The following YWHAH variants were observed in gnomAD, a reference collection of about 807,000 sequenced individuals.
YWHAH encodes the protein tyrosine 3-monooxygenase/tryptophan 5-monooxygenase activation protein eta.
A neutral mutation model predicts 22.9 loss-of-function variants in YWHAH; 6 were observed. The ratio of observed to expected loss-of-function variants is 0.26; its 90% CI spans 0.14 to 0.52. YWHAH has a LOEUF of 0.52. YWHAH is among the 20% of genes least tolerant of loss of function. The probability of loss-of-function intolerance (pLI) is 0.97; values close to 1 mark genes in which losing one functional copy is unlikely to be tolerated. For missense variants in YWHAH, 173 were observed against 308.6 expected (o/e 0.56, Z 3.29); for synonymous variants, 135 against 124.5 (o/e 1.08, Z -0.56).
At chr22:31,945,528 C>T in intron 1 of YWHAH, 2 of 1,304,148 alleles carry the variant, frequency 1.5e-6, no homozygotes, top group Non-Finnish European at 2.0e-6. Flanking sequence ...TCTTTGCATT[C>T]CTGAGACCCT....
At chr22:31,953,880 G>A (rs1464369107) in intron 1 of YWHAH, among the ~76,000 whole-genome samples, 1 of 152,156 alleles carries the variant, frequency 6.6e-6, no homozygotes, top group African/African-American at 2.4e-5. Context: ...GGGGTCCTGG[G>A]GACAGGGAAA....
intron 1 of YWHAH, among the ~76,000 whole-genome samples, chr22:31,951,039 C>G (rs1043355650): frequency 6.6e-6 from 1 of 152,076 alleles, no homozygotes; most frequent in Non-Finnish European, 1.5e-5. Context: ...ATTACAGGTG[C>G]ACGCCACCAT....
intron 1 of YWHAH, chr22:31,945,330 T>G (rs2093832375): frequency 8.1e-7 from 1 of 1,231,640 alleles, no homozygotes; most frequent in Non-Finnish European, 1.0e-6. Context: ...TTGTTCTGGT[T>G]CCATCTTCCC....
In YWHAH at chr22:31,957,469, A is replaced by G. The variant is rs1407532825; in HGVS notation, c.*677A>G. On this transcript the variant is annotated 3_prime_UTR_variant, in exon 2 of 2. Coordinates refer to ENST00000248975, the MANE Select transcript of YWHAH (RefSeq NM_003405.4). Reference sequence around the variant, plus strand: ...ATTTATTTTTTGTAACTCTTTGGCTATTGTCCTTGTGTATCCTGACAGCGC... The same window carrying G: ...ATTTATTTTTTGTAACTCTTTGGCTGTTGTCCTTGTGTATCCTGACAGCGC... 6.7e-6 allele frequency: 1 copy of G among 148,554 alleles called. No individual in the cohort carries two copies. Among genetic ancestry groups the G allele is most frequent in the Non-Finnish European group, 1.5e-5 (1 of 67,104 alleles). The allele number at this position is 148,554 out of a possible 1,614,324, so 9.2% of individuals were successfully genotyped here. A position where few individuals can be genotyped will look rare whatever the true frequency, so the allele number is the denominator to read the frequency against.
chr22:31,945,421 G>A lies in YWHAH; in HGVS notation c.87+601G>A. On this transcript the variant is annotated intron_variant, in intron 1 of 1. Coordinates refer to ENST00000248975, the MANE Select transcript of YWHAH (RefSeq NM_003405.4). ...GACGGGGGCGGGAGAGTGGGCGGAG[G>A]GTGTGGGGCCCCACTCCACAGCCCC... is the stretch of plus-strand genomic sequence containing the variant. The A allele has an allele frequency of 2.3e-6, 3 of 1,302,502 alleles. 1 individual carries two copies. The South Asian group carries it at 3.7e-5, about 16-fold the overall frequency. 80.7% of individuals were successfully genotyped at this position (1,302,502 alleles called of 1,614,324 possible).
At chr22:31,949,135 AC>A (rs1488836598) in intron 1 of YWHAH, among the ~76,000 whole-genome samples, 1 of 88,554 alleles carries the variant, frequency 1.1e-5, no homozygotes, top group African/African-American at 6.7e-5. Flanking sequence ...AACATATTTT[AC>A]TTTTTTTTTT....
chr22:31,950,076 C>CTTTTTTTTTTTTTTTTTTTTTTTTTTT lies in YWHAH; in HGVS notation c.87+5268_87+5294dup. Among the ~76,000 whole-genome samples, 2 of 42,154 alleles carry CTTTTTTTTTTTTTTTTTTTTTTTTTTT rather than the reference C, an allele frequency of 4.7e-5. 1 individual carries two copies. Among genetic ancestry groups the CTTTTTTTTTTTTTTTTTTTTTTTTTTT allele is most frequent in the Non-Finnish European group, 9.8e-5 (2 of 20,406 alleles). The allele number at this position is 42,154 out of a possible 152,430, so 27.7% of individuals were successfully genotyped here. A position where few individuals can be genotyped will look rare whatever the true frequency, so the allele number is the denominator to read the frequency against. On this transcript the variant is annotated intron_variant, in intron 1 of 1. Transcript: ENST00000248975. ...TTGCTTGTTCTGAAGGCTTGGAGGC[C>CTTTTTTTTTTTTTTTTTTTTTTTTTTT]TTTTTTTTTTTTTTTTTTTTTTTTT...
chr22:31,952,787 A>G (rs2093845011), intron 1 of YWHAH, among the ~76,000 whole-genome samples: 2 of 152,240 alleles, frequency 1.3e-5, no homozygotes, highest in Admixed American at 6.5e-5. Flanking sequence ...TGATGGAGAA[A>G]GAATATGCTT....
At position 31,956,458 on chromosome 22, in the gene YWHAH, A is replaced by G; in HGVS notation, c.407A>G (p.Glu136Gly). 6.2e-7 allele frequency: 1 copy of G among 1,614,210 alleles called. No individual in the cohort carries two copies. Among genetic ancestry groups the G allele is most frequent in the Non-Finnish European group, 8.5e-7 (1 of 1,180,046 alleles). Residue 136 changes from glutamate to glycine, a missense_variant, in exon 2 of 2, where the codon GAG becomes GGG. By Grantham distance (98) the Glu-to-Gly change is moderately conservative. Transcript: ENST00000248975. This position sits in a 1 kb window ranked among gnomAD's most constrained non-coding sequence, Gnocchi z 5.1. ...GGTGATTACTACCGCTACTTAGCAG[A>G]GGTCGCTTCTGGGGAGAAGAAAAAC... ...MKGDYYRYLA[E>G]VASGEKKNSV...
In YWHAH at chr22:31,956,541, C is replaced by A. The variant is rs759067894; in HGVS notation, c.490C>A (p.Gln164Lys). The A allele has an allele frequency of 1.9e-6, 3 of 1,614,076 alleles. No individual in the cohort carries two copies. Among genetic ancestry groups the A allele is most frequent in the Admixed American group, 1.7e-5 (1 of 60,004 alleles). Reference protein sequence around the residue: ...YKEAFEISKEQMQPTHPIRLG... With the variant: ...YKEAFEISKEKMQPTHPIRLG... ...GGAAGCCTTTGAAATCAGCAAAGAG[C>A]AGATGCAACCCACGCATCCCATCCG... The change falls in exon 2 of 2, where the codon CAG becomes AAG. Residue 164 changes from glutamine to lysine, a missense_variant. Coordinates refer to ENST00000248975, the MANE Select transcript of YWHAH (RefSeq NM_003405.4). This position sits in a 1 kb window ranked among gnomAD's most constrained non-coding sequence, Gnocchi z 5.1.
At chr22:31,945,742 A>T in intron 1 of YWHAH, 1 of 1,179,232 alleles carries the variant, frequency 8.5e-7, no homozygotes, top group Non-Finnish European at 1.1e-6. Context: ...GCGACCACCA[A>T]CCTATGTTCA....
intron 1 of YWHAH, among the ~76,000 whole-genome samples, chr22:31,946,798 G>C (rs750139182): frequency 6.6e-6 from 1 of 152,188 alleles, no homozygotes; most frequent in African/African-American, 2.4e-5. Flanking sequence ...TGTGTCCATA[G>C]ATCTTCTCTG....
chr22:31,952,652 A>G (rs2149468170), intron 1 of YWHAH, among the ~76,000 whole-genome samples: 1 of 152,346 alleles, frequency 6.6e-6, no homozygotes, highest in African/African-American at 2.4e-5. Flanking sequence ...GCTGATAGTG[A>G]TTCATTCAGA....
At chr22:31,945,186 T>G in intron 1 of YWHAH, 1 of 1,108,690 alleles carries the variant, frequency 9.0e-7, no homozygotes, top group Non-Finnish European at 1.1e-6. Context: ...ACCCGGGGGC[T>G]CCCCCTCTCG....
Position 31,944,707 on chromosome 22 carries a change from G to A in YWHAH, c.-27G>A. 1 of 1,362,604 alleles carries A rather than the reference G, an allele frequency of 7.3e-7. No individual in the cohort carries two copies. Among genetic ancestry groups the A allele is most frequent in the South Asian group, 1.5e-5 (1 of 65,796 alleles). 84.4% of individuals were successfully genotyped at this position (1,362,604 alleles called of 1,614,324 possible). On this transcript the variant is annotated 5_prime_UTR_variant, in exon 1 of 2. Transcript: ENST00000248975. Reference sequence around the variant, plus strand: ...GGCTAGCGAGCCAGCGGTGTGAGGCGCGAGGCGAGGCCGAGCCGCGAGCGA... The same window carrying A: ...GGCTAGCGAGCCAGCGGTGTGAGGCACGAGGCGAGGCCGAGCCGCGAGCGA...
intron 1 of YWHAH, chr22:31,945,065 A>G: frequency 9.1e-7 from 1 of 1,102,490 alleles, no homozygotes; most frequent in Non-Finnish European, 1.1e-6. Context: ...CAGCCCCGGA[A>G]GGGGGGCGGG....
chr22:31,951,690 C>T (rs755685247), intron 1 of YWHAH, among the ~76,000 whole-genome samples: 1 of 152,052 alleles, frequency 6.6e-6, no homozygotes, highest in Non-Finnish European at 1.5e-5. Context: ...ATCAGCAGGC[C>T]AGGTCATTTT....
intron 1 of YWHAH, among the ~76,000 whole-genome samples, chr22:31,948,024 G>A (rs1343249825): frequency 6.6e-6 from 1 of 152,096 alleles, no homozygotes; most frequent in Non-Finnish European, 1.5e-5. Flanking sequence ...ACAGAAAACG[G>A]GCAGAAACAC....
chr22:31,956,095 T>A lies in YWHAH; in HGVS notation c.88-44T>A. On this transcript the variant is annotated intron_variant, in intron 1 of 1. Transcript: ENST00000248975. The surrounding 1 kb of genome is among the most constrained non-coding windows in gnomAD (Gnocchi z 5.1). ...TGAAGGGAAGGCTTCTTACCAAGAT[T>A]TTCAGATTTTGCTTTCAATGTTTAT... The A allele has an allele frequency of 1.9e-6, 3 of 1,546,052 alleles. No individual in the cohort carries two copies. Among genetic ancestry groups the A allele is most frequent in the Non-Finnish European group, 2.6e-6 (3 of 1,150,376 alleles).
Sources: allele counts gnomAD v4.1 joint callset (sites outside exome capture counted in the v4.1 genomes callset), GRCh38; gene constraint gnomAD v4.1.1; non-coding constraint Gnocchi (gnomAD v3.1); transcripts MANE v1.5; gene names NCBI Gene and HGNC (gene_info 2026-07-23, HGNC 2026-07-21).